ADORA1: variants seen among roughly 807,000 people sequenced by gnomAD.
The protein encoded by ADORA1 is adenosine A1 receptor.
In ADORA1, 6 loss-of-function variants were observed where a neutral mutation model predicts 19.9. The ratio of observed to expected loss-of-function variants is 0.30; its 90% CI spans 0.17 to 0.59. The LOEUF (loss-of-function observed/expected upper bound fraction) is 0.59. Among genes scored for constraint, ADORA1 ranks in the 20% least tolerant of loss-of-function variants. The pLI is 0.87. For synonymous variants in ADORA1, 194 were observed against 188.4 expected, an observed-to-expected ratio of 1.03 and a Z score of -0.24; for missense variants, 302 against 439.2, an observed-to-expected ratio of 0.69 and a Z score of 2.79.
At chr1:203,133,278 T>C (rs560081893) in intron 3 of ADORA1, among the ~76,000 whole-genome samples, 1 of 152,232 alleles carries the variant, frequency 6.6e-6, no homozygotes, top group Admixed American at 6.5e-5. Context: ...CATGCCCAGC[T>C]CATTTTTTGT....
At chr1:203,143,444 ACAGT>A (rs1654757896) in intron 3 of ADORA1, among the ~76,000 whole-genome samples, 1 of 152,180 alleles carries the variant, frequency 6.6e-6, no homozygotes, top group African/African-American at 2.4e-5. Flanking sequence ...TTTGGGTGAC[ACAGT>A]CAGGTGTGAA....
intron 3 of ADORA1, among the ~76,000 whole-genome samples, chr1:203,133,751 C>T (rs1172751665): frequency 6.6e-6 from 1 of 152,244 alleles, no homozygotes; most frequent in African/African-American, 2.4e-5. Context: ...TAGCTTGAAG[C>T]CTGCCCCACT....
At chr1:203,140,875 C>A (rs759470978) in intron 3 of ADORA1, among the ~76,000 whole-genome samples, 5 of 152,220 alleles carry the variant, frequency 3.3e-5, no homozygotes, top group Non-Finnish European at 5.9e-5. Context: ...CAGGCCTCTG[C>A]CTCTCCCCAG....
chr1:203,165,789 C>A lies in ADORA1; in HGVS notation c.870C>A (p.Phe290Leu). ...NSAMNPIVYA[F>L]RIQKFRVTFL... Reference sequence around the variant, plus strand: ...CCATGAACCCCATTGTCTATGCCTTCCGCATCCAGAAGTTCCGCGTCACCT... The same window carrying A: ...CCATGAACCCCATTGTCTATGCCTTACGCATCCAGAAGTTCCGCGTCACCT... Residue 290 changes from phenylalanine (F) to leucine (L), a missense_variant, in exon 4 of 4, where the codon TTC (phenylalanine) becomes TTA (leucine). Transcript: ENST00000337894. The surrounding 1 kb of genome is among the most constrained non-coding windows in gnomAD (Gnocchi z 5.9). 1 of 1,613,480 alleles carries A rather than the reference C, an allele frequency of 6.2e-7. No homozygotes were observed. Among genetic ancestry groups the A allele is most frequent in the Non-Finnish European group, 8.5e-7 (1 of 1,179,628 alleles).
intron 3 of ADORA1, among the ~76,000 whole-genome samples, chr1:203,152,253 G>T (rs1442054299): frequency 6.6e-6 from 1 of 152,256 alleles, no homozygotes; most frequent in Non-Finnish European, 1.5e-5. Flanking sequence ...AGGGAGGACT[G>T]CCCTTCTTTG....
intron 3 of ADORA1, among the ~76,000 whole-genome samples, chr1:203,154,385 G>A (rs74437047): frequency 6.6e-6 from 1 of 152,288 alleles, no homozygotes; most frequent in African/African-American, 2.4e-5. Flanking sequence ...AATCATTTTA[G>A]GTGTTTACAG....
At chr1:203,131,242 C>T (rs947441682) in intron 3 of ADORA1, among the ~76,000 whole-genome samples, 2 of 152,166 alleles carry the variant, frequency 1.3e-5, no homozygotes, top group African/African-American at 4.8e-5. Flanking sequence ...CATTCGGTGT[C>T]AACACATACA....
At chr1:203,160,992 A>G (rs1479344350) in intron 3 of ADORA1, among the ~76,000 whole-genome samples, 1 of 152,198 alleles carries the variant, frequency 6.6e-6, no homozygotes, top group Non-Finnish European at 1.5e-5. Flanking sequence ...GGGAAGAACC[A>G]ATGGCTTTCT....
chr1:203,147,155 C>T (rs945109218), intron 3 of ADORA1, among the ~76,000 whole-genome samples: 2 of 152,222 alleles, frequency 1.3e-5, no homozygotes, highest in Non-Finnish European at 2.9e-5. Flanking sequence ...AACCACAGAA[C>T]CTGCTCTTCT....
At chr1:203,143,096 A>C (rs1446219465) in intron 3 of ADORA1, among the ~76,000 whole-genome samples, 2 of 152,196 alleles carry the variant, frequency 1.3e-5, no homozygotes, top group Non-Finnish European at 2.9e-5. Flanking sequence ...GTGTTGTCTT[A>C]GTCTGTTTTC....
At chr1:203,161,572 A>ATTT (rs34898677) in intron 3 of ADORA1, among the ~76,000 whole-genome samples, 1 of 136,654 alleles carries the variant, frequency 7.3e-6, no homozygotes, top group Non-Finnish European at 1.6e-5. Context: ...CCTCAGGGCT[A>ATTT]TTTTTTTTTT....
intron 3 of ADORA1, among the ~76,000 whole-genome samples, chr1:203,144,388 C>T (rs1654797581): frequency 6.6e-6 from 1 of 152,164 alleles, no homozygotes; most frequent in Non-Finnish European, 1.5e-5. Flanking sequence ...AGTAGTGACG[C>T]TTGTGTGCTT....
intron 3 of ADORA1, among the ~76,000 whole-genome samples, chr1:203,134,592 C>G (rs756301538): frequency 2.6e-5 from 4 of 152,094 alleles, no homozygotes; most frequent in Admixed American, 1.3e-4. Context: ...GCGTGGAAGC[C>G]GGAGAATGGC....
chr1:203,151,788 G>GCATGCATT lies in ADORA1; in HGVS notation c.342-13470_342-13469insGCATTCAT, dbSNP rs1553268500. ...CCCACAGCACACTTCATGCATGCAT[G>GCATGCATT]CATTCATTCATTCATTCATTCATTC... On this transcript the variant is annotated intron_variant, in intron 3 of 3. Coordinates refer to ENST00000337894, the MANE Select transcript of ADORA1 (RefSeq NM_000674.3). 1.7e-3 allele frequency among the ~76,000 whole-genome samples: 253 copies of GCATGCATT among 151,324 alleles called. 1 individual carries two copies. Among genetic ancestry groups the GCATGCATT allele is most frequent in the Middle Eastern group, 3.5e-3 (1 of 286 alleles).
In ADORA1 at chr1:203,129,139, GC is replaced by G. The variant is rs770774311; in HGVS notation, c.299del (p.Ala100GlufsTer20). ...LTQSSILALL[A>X]IAVDRYLRVK... ...CCAGAGCTCCATCCTGGCCCTGCTG[GC>G]AATTGCTGTGGACCGCTACCTCCGG... is the stretch of plus-strand genomic sequence containing the variant. On this transcript the variant is annotated frameshift_variant, in exon 3 of 4. Transcript: ENST00000337894. LOFTEE classifies it high-confidence loss of function. The G allele has an allele frequency of 6.2e-7, 1 of 1,614,010 alleles. No homozygotes were observed. The highest frequency in any genetic ancestry group is 2.2e-5 in the East Asian group (1 of 44,880).
At chr1:203,141,342 T>A (rs1250196562) in intron 3 of ADORA1, among the ~76,000 whole-genome samples, 1 of 152,230 alleles carries the variant, frequency 6.6e-6, no homozygotes, top group Non-Finnish European at 1.5e-5. Flanking sequence ...GCTCTCACCA[T>A]GCACCCTGCT....
At chr1:203,158,281 C>G (rs1655257330) in intron 3 of ADORA1, among the ~76,000 whole-genome samples, 1 of 152,180 alleles carries the variant, frequency 6.6e-6, no homozygotes, top group Admixed American at 6.5e-5. Flanking sequence ...AAAGTTCTGC[C>G]TTCCACAAAG....
At chr1:203,143,301 T>G (rs1311573079) in intron 3 of ADORA1, among the ~76,000 whole-genome samples, 1 of 152,214 alleles carries the variant, frequency 6.6e-6, no homozygotes, top group Non-Finnish European at 1.5e-5. Flanking sequence ...TGTCCTCTTC[T>G]TATAAAGCCA....
chr1:203,129,467 G>A (rs1037114227), intron 3 of ADORA1, among the ~76,000 whole-genome samples: 5 of 152,208 alleles, frequency 3.3e-5, no homozygotes, highest in African/African-American at 1.2e-4. Context: ...TCAGGCCTGG[G>A]GTGGAGGTGG....
Sources: gnomAD v4.1 joint callset for allele counts (sites outside exome capture counted in the v4.1 genomes callset) on GRCh38, gnomAD v4.1.1 for gene constraint, Gnocchi (gnomAD v3.1) non-coding constraint, MANE v1.5 for transcripts, NCBI Gene and HGNC (gene_info 2026-07-23, HGNC 2026-07-21) for gene names.